The following ME1 variants were observed in gnomAD, a reference collection of about 807,000 sequenced individuals.
The protein encoded by ME1 is NADP-dependent malic enzyme.
ME1 carries 74 observed loss-of-function variants against 66.4 expected under a neutral mutation model. That is an observed-to-expected ratio of 1.11 (90% CI 0.92 to 1.35). ME1 has a LOEUF of 1.35. Among genes scored for constraint, ME1 ranks in the 40% most tolerant of loss-of-function variants. The probability of loss-of-function intolerance (pLI) is 0.00; values close to 1 mark genes in which losing one functional copy is unlikely to be tolerated. For synonymous variants in ME1, 251 were observed against 235.6 expected (o/e 1.07, Z -0.60); for missense variants, 750 against 694.1 (o/e 1.08, Z -0.90).
chr6:83,306,866 G>T (rs1003891690), intron 6 of ME1, among the ~76,000 whole-genome samples: 6 of 152,044 alleles, frequency 3.9e-5, no homozygotes, highest in Non-Finnish European at 5.9e-5. Context: ...AATAATGCAT[G>T]CATAAGACTC....
intron 1 of ME1, 86 bp downstream of exon 1, chr6:83,430,791 C>T (rs537296259): frequency 2.1e-5 from 25 of 1,209,964 alleles, no homozygotes; most frequent in Admixed American, 2.0e-4. Flanking sequence ...GGCGGAGGGG[C>T]GAGGCCATGG....
chr6:83,280,754 CTG>C (rs1767273517), intron 6 of ME1, among the ~76,000 whole-genome samples: 1 of 152,166 alleles, frequency 6.6e-6, no homozygotes, highest in Non-Finnish European at 1.5e-5. Flanking sequence ...ATTTTATAGC[CTG>C]TGTCTCACCA....
intron 5 of ME1, among the ~76,000 whole-genome samples, chr6:83,323,275 T>C (rs1472972219): frequency 6.6e-6 from 1 of 152,086 alleles, no homozygotes; most frequent in Non-Finnish European, 1.5e-5. Context: ...GCTAGCATAA[T>C]AATGACAGGA....
intron 1 of ME1, among the ~76,000 whole-genome samples, chr6:83,409,078 G>C (rs1400105767): frequency 6.6e-6 from 1 of 152,048 alleles, no homozygotes; most frequent in African/African-American, 2.4e-5. Context: ...TGCCATGTGA[G>C]GACACAGCAA....
chr6:83,293,920 C>A (rs764367140), intron 6 of ME1, among the ~76,000 whole-genome samples: 7 of 152,208 alleles, frequency 4.6e-5, no homozygotes, highest in African/African-American at 7.2e-5. Context: ...TATTTACTCT[C>A]TGTGTGCACT....
At chr6:83,322,659 A>G (rs1473913754) in intron 5 of ME1, among the ~76,000 whole-genome samples, 1 of 152,224 alleles carries the variant, frequency 6.6e-6, no homozygotes, top group African/African-American at 2.4e-5. Context: ...GACTATGTGA[A>G]AAGGCCAAAC....
Position 83,427,956 on chromosome 6 carries a change from G to A in ME1, c.78+2921C>T, listed in dbSNP as rs114616044. On this transcript the variant is annotated intron_variant, in intron 1 of 13. Transcript: ENST00000369705. The stretch of plus-strand genomic sequence containing the variant: ...GAACCCAGGAGGTAGAGTTTGCAGT[G>A]AACCTAGATCACACCACTGCACTCC... Among the ~76,000 whole-genome samples the A allele has an allele frequency of 3.6e-3, 537 of 149,782 alleles. 8 individuals are homozygous for A. Among genetic ancestry groups the A allele is most frequent in the African/African-American group, 0.013 (512 of 40,418 alleles).
intron 11 of ME1, among the ~76,000 whole-genome samples, chr6:83,226,397 A>G (rs1790199314): frequency 6.6e-6 from 1 of 152,182 alleles, no homozygotes; most frequent in African/African-American, 2.4e-5. Flanking sequence ...GGTGCAAGGC[A>G]TGATGCTAAG....
intron 3 of ME1, among the ~76,000 whole-genome samples, chr6:83,382,760 G>C (rs969512262): frequency 1.1e-4 from 17 of 152,068 alleles, no homozygotes; most frequent in African/African-American, 3.6e-4. Flanking sequence ...ACTCAGAGTA[G>C]AGTTGGAAAA....
chr6:83,359,456 T>C (rs1024187450), intron 3 of ME1, among the ~76,000 whole-genome samples: 1 of 152,036 alleles, frequency 6.6e-6, no homozygotes, highest in African/African-American at 2.4e-5. Flanking sequence ...GGAAGGAAAA[T>C]AGAGTTGTAT....
At position 83,375,810 on chromosome 6, in the gene ME1, T is replaced by A. The variant is rs1769277244; in HGVS notation, c.362+22557A>T. ...TGAGAGTTTTTAACAGGAAGAGATG[T>A]TGCATTTTATCAAAGGCCTTTTCTG... On this transcript the variant is annotated intron_variant, in intron 3 of 13. Transcript: ENST00000369705. Among the ~76,000 whole-genome samples the A allele has an allele frequency of 2.0e-5, 3 of 152,242 alleles. No individual in the cohort carries two copies. The South Asian group carries it at 6.2e-4, about 32-fold the overall frequency.
At chr6:83,331,713 C>T (rs901638407) in intron 5 of ME1, among the ~76,000 whole-genome samples, 3 of 152,032 alleles carry the variant, frequency 2.0e-5, no homozygotes, top group South Asian at 2.1e-4. Context: ...ACCAACCCTA[C>T]CAACACATTG....
chr6:83,402,996 T>G (rs1769865523), intron 2 of ME1, among the ~76,000 whole-genome samples: 2 of 152,222 alleles, frequency 1.3e-5, no homozygotes. Context: ...TATCATTTTC[T>G]TCCTTCTCTT....
chr6:83,215,694 A>G (rs1015966951), intron 13 of ME1, among the ~76,000 whole-genome samples: 23 of 152,236 alleles, frequency 1.5e-4, no homozygotes, highest in African/African-American at 5.3e-4. Context: ...GGACACAGAA[A>G]GAGGGCAGCC....
chr6:83,283,525 A>T (rs890124396), intron 6 of ME1, among the ~76,000 whole-genome samples: 1 of 152,058 alleles, frequency 6.6e-6, no homozygotes, highest in Non-Finnish European at 1.5e-5. Context: ...CCACCATGGC[A>T]CATGTATACC....
intron 3 of ME1, among the ~76,000 whole-genome samples, chr6:83,373,012 T>C (rs1012640511): frequency 6.6e-6 from 1 of 152,232 alleles, no homozygotes; most frequent in Non-Finnish European, 1.5e-5. Flanking sequence ...TATTCCCAGA[T>C]ATACTGGCTA....
intron 7 of ME1, among the ~76,000 whole-genome samples, chr6:83,248,821 A>T (rs537401048): frequency 2.0e-5 from 3 of 152,180 alleles, no homozygotes; most frequent in Non-Finnish European, 4.4e-5. Flanking sequence ...TTTCCTTTAC[A>T]TAAATTACCC....
intron 3 of ME1, among the ~76,000 whole-genome samples, chr6:83,382,451 C>T (rs909973972): frequency 6.6e-6 from 1 of 151,996 alleles, no homozygotes; most frequent in Non-Finnish European, 1.5e-5. Flanking sequence ...ATAATATTAT[C>T]TGACAATTTC....
intron 5 of ME1, among the ~76,000 whole-genome samples, chr6:83,340,154 A>G (rs1768551170): frequency 6.6e-6 from 1 of 152,130 alleles, no homozygotes; most frequent in African/African-American, 2.4e-5. Flanking sequence ...CTATAATTTG[A>G]CCACAGTATT....
Sources: allele counts gnomAD v4.1 joint callset (sites outside exome capture counted in the v4.1 genomes callset), GRCh38; gene constraint gnomAD v4.1.1; transcripts MANE v1.5; gene names NCBI Gene and HGNC (gene_info 2026-07-23, HGNC 2026-07-21).